RPH3A: variants seen among roughly 807,000 people sequenced by gnomAD.
The protein encoded by RPH3A is rabphilin-3A.
A neutral mutation model predicts 102.2 loss-of-function variants in RPH3A; 48 were observed. The ratio of observed to expected loss-of-function variants is 0.47; its 90% CI spans 0.37 to 0.60. The LOEUF (loss-of-function observed/expected upper bound fraction) is 0.60. Ranked by LOEUF, RPH3A falls within the 20% of genes least tolerant of loss-of-function variation. RPH3A has a pLI of 0.00. For synonymous variants in RPH3A, 310 were observed against 324.3 expected (o/e 0.96, Z 0.47); for missense variants, 781 against 910.1 (o/e 0.86, Z 1.83).
At chr12:112,716,786 C>T (rs2040516268) in intron 1 of RPH3A, among the ~76,000 whole-genome samples, 1 of 152,186 alleles carries the variant, frequency 6.6e-6, no homozygotes. Flanking sequence ...GGTCTTTTCC[C>T]ATAACAGTTC....
intron 1 of RPH3A, among the ~76,000 whole-genome samples, chr12:112,735,166 T>C (rs2040660409): frequency 6.6e-6 from 1 of 152,094 alleles, no homozygotes; most frequent in South Asian, 2.1e-4. Context: ...CTCGGGAAAA[T>C]CGCCCAAGGA....
chr12:112,799,351 G>A (rs755766798), intron 2 of RPH3A, among the ~76,000 whole-genome samples: 6 of 152,192 alleles, frequency 3.9e-5, no homozygotes, highest in Non-Finnish European at 5.9e-5. Context: ...TTGTGCCACT[G>A]TACTACAGCC....
In RPH3A at chr12:112,611,638, G is replaced by C. The variant is rs183384526; in HGVS notation, c.-140+36319G>C. Among the ~76,000 whole-genome samples the C allele has an allele frequency of 7.8e-4, 118 of 152,100 alleles. No homozygotes were observed. The Middle Eastern group carries it at 0.024, about 31-fold the overall frequency. On this transcript the variant is annotated intron_variant, in intron 1 of 21. Transcript: ENST00000543106. ...ATTTTTGGTAGAGATTGGGAGGGGG[G>C]GTTCACCATGTTGGTCAGGCTGGTC...
intron 15 of RPH3A, among the ~76,000 whole-genome samples, chr12:112,882,542 G>A (rs558456894): frequency 2.6e-5 from 4 of 152,356 alleles, no homozygotes; most frequent in African/African-American, 9.6e-5. Flanking sequence ...TGAGACAAAA[G>A]AGGACACATG....
upstream of RPH3A, among the ~76,000 whole-genome samples, chr12:112,789,825 G>A (rs552633895): frequency 6.0e-5 from 9 of 150,444 alleles, no homozygotes; most frequent in South Asian, 1.9e-3. Context: ...ACTGAGGCAG[G>A]TGGTTCATTT....
chr12:112,678,322 AAAGAAAGAAGGAAG>A (rs2040201215), intron 1 of RPH3A, among the ~76,000 whole-genome samples: 1 of 134,220 alleles, frequency 7.5e-6, no homozygotes, highest in African/African-American at 2.8e-5. Context: ...AGAGAGAAAG[AAAGAAAGAAGGAAG>A]GAAGGAAGGA....
At chr12:112,747,164 C>T (rs910471299) in intron 1 of RPH3A, among the ~76,000 whole-genome samples, 1 of 152,154 alleles carries the variant, frequency 6.6e-6, no homozygotes, top group African/African-American at 2.4e-5. Flanking sequence ...TACCACTCCC[C>T]ACCCCAAATT....
At chr12:112,868,834 G>A in intron 8 of RPH3A, 1 of 445,238 alleles carries the variant, frequency 2.2e-6, no homozygotes, top group Non-Finnish European at 4.0e-6. Context: ...TGTCATCCCT[G>A]GTGGCATATC....
At position 112,888,418 on chromosome 12, in the gene RPH3A, A is replaced by T. The variant is rs890184372; in HGVS notation, c.1563+495A>T. 2.6e-5 allele frequency among the ~76,000 whole-genome samples: 4 copies of T among 152,206 alleles called. 1 individual carries two copies. Among genetic ancestry groups the T allele is most frequent in the African/African-American group, 9.7e-5 (4 of 41,448 alleles). On this transcript the variant is annotated intron_variant, in intron 17 of 21. Coordinates refer to ENST00000389385, the MANE Select transcript of RPH3A (RefSeq NM_001143854.2). ...TGTAGGAAATATTGCTGCCTTACCCACCTGTCAGTCATGAAGTCAGAAAGC... is the reference window on the plus strand; with the variant it reads ...TGTAGGAAATATTGCTGCCTTACCCTCCTGTCAGTCATGAAGTCAGAAAGC...
chr12:112,682,561 G>T (rs2040234900), intron 1 of RPH3A, among the ~76,000 whole-genome samples: 1 of 151,964 alleles, frequency 6.6e-6, no homozygotes, highest in Non-Finnish European at 1.5e-5. Context: ...AAATGCACCT[G>T]GTCCATGGGT....
intron 5 of RPH3A, among the ~76,000 whole-genome samples, chr12:112,864,395 G>A (rs546305518): frequency 2.7e-5 from 4 of 147,398 alleles, no homozygotes; most frequent in African/African-American, 1.0e-4. Context: ...AGGTTGCAGT[G>A]AGCCCAGATC....
Position 112,875,667 on chromosome 12 carries a change from C to T in RPH3A, c.884-12C>T. On this transcript the variant is annotated splice_polypyrimidine_tract_variant and intron_variant, in intron 11 of 21. Transcript: ENST00000389385. ...TCTGCTGCATCTCTGTTTGTCTCCT[C>T]TCCCTGCTCAGGGACCCCAGGAGGA... is the stretch of plus-strand genomic sequence containing the variant. 1.2e-6 allele frequency: 2 copies of T among 1,612,218 alleles called. No homozygotes were observed. Among genetic ancestry groups the T allele is most frequent in the Non-Finnish European group, 1.7e-6 (2 of 1,178,542 alleles).
intron 5 of RPH3A, among the ~76,000 whole-genome samples, chr12:112,865,021 T>C (rs911967867): frequency 6.6e-6 from 1 of 151,892 alleles, no homozygotes. Flanking sequence ...AGATGAAAAG[T>C]TGAGTTTGAA....
chr12:112,654,953 CT>C (rs2135999480), intron 1 of RPH3A, among the ~76,000 whole-genome samples: 1 of 152,328 alleles, frequency 6.6e-6, no homozygotes, highest in Admixed American at 6.5e-5. Context: ...CCCCATTTTG[CT>C]GGCAGAGCAA....
Position 112,652,988 on chromosome 12 carries a change from G to A in RPH3A, c.-140+77669G>A, listed in dbSNP as rs536468121. 4.6e-5 allele frequency among the ~76,000 whole-genome samples: 7 copies of A among 152,236 alleles called. No homozygotes were observed. In the South Asian group the frequency reaches 6.2e-4, roughly 14 times the overall value. On this transcript the variant is annotated intron_variant, in intron 1 of 21. Transcript: ENST00000543106. ...CCTATTGCTTCTCGGCTGCAAATCCGTACAGCATGTTACTGTACTGAATAC... is the reference window on the plus strand; with the variant it reads ...CCTATTGCTTCTCGGCTGCAAATCCATACAGCATGTTACTGTACTGAATAC...
At chr12:112,608,558 C>T (rs1190357197) in intron 1 of RPH3A, among the ~76,000 whole-genome samples, 2 of 152,186 alleles carry the variant, frequency 1.3e-5, no homozygotes, top group Non-Finnish European at 2.9e-5. Context: ...AGGACTTCTG[C>T]TTTTAATCGA....
chr12:112,679,442 C>T lies in RPH3A; in HGVS notation c.-140+104123C>T, dbSNP rs115440305. Among the ~76,000 whole-genome samples the T allele has an allele frequency of 3.8e-3, 579 of 151,374 alleles. 3 individuals carry two copies. Among genetic ancestry groups the T allele is most frequent in the African/African-American group, 0.013 (551 of 41,258 alleles). The stretch of plus-strand genomic sequence containing the variant: ...TGCTGGGATTACAGGCTTGAGCCAC[C>T]GTAGACTCTCACTCACTCTGTCCCC... On this transcript the variant is annotated intron_variant, in intron 1 of 21. Transcript: ENST00000543106.
intron 1 of RPH3A, among the ~76,000 whole-genome samples, chr12:112,619,246 C>CTGTGTGTGTG (rs60894997): frequency 1.5e-4 from 19 of 125,364 alleles, no homozygotes; most frequent in East Asian, 5.0e-4. Flanking sequence ...TATGGTAATT[C>CTGTGTGTGTG]TGTGTGTGTG....
At chr12:112,802,354 C>T (rs2041369952) in intron 2 of RPH3A, among the ~76,000 whole-genome samples, 1 of 152,170 alleles carries the variant, frequency 6.6e-6, no homozygotes, top group Non-Finnish European at 1.5e-5. Flanking sequence ...CTCTCTGAGC[C>T]TCAGTTTCTT....
Sources: allele counts gnomAD v4.1 joint callset (sites outside exome capture counted in the v4.1 genomes callset), GRCh38; gene constraint gnomAD v4.1.1; transcripts MANE v1.5; gene names NCBI Gene and HGNC (gene_info 2026-07-23, HGNC 2026-07-21).